Variants in SLC39A3 observed in about 807,000 individuals in gnomAD.
The protein encoded by SLC39A3 is zinc transporter ZIP3.
In SLC39A3, 3 loss-of-function variants were observed where a neutral mutation model predicts 5.1. The ratio of observed to expected loss-of-function variants is 0.59; its 90% CI spans 0.27 to 1.54. The LOEUF (loss-of-function observed/expected upper bound fraction) is 1.54. SLC39A3 is among the 40% of genes most tolerant of loss of function. SLC39A3 has a pLI of 0.12. For synonymous variants in SLC39A3, 250 were observed against 218.8 expected (o/e 1.14, Z -1.26); for missense variants, 412 against 436.4 (o/e 0.94, Z 0.50).
In SLC39A3 at chr19:2,735,036, G is replaced by A. The variant is rs1599484952; in HGVS notation, c.211-1551C>T. ...CTGACCAGCCCGAGGACAGGAGAAC[G>A]GCGGGAAAGGTTTGGGTGCCATGAG... On this transcript the variant is annotated intron_variant, in intron 2 of 2. Transcript: ENST00000269740. The surrounding 1 kb of genome is among the most constrained non-coding windows in gnomAD (Gnocchi z 5.7). 4.1e-6 allele frequency: 4 copies of A among 985,308 alleles called. No homozygotes were observed. Among genetic ancestry groups the A allele is most frequent in the African/African-American group, 1.7e-5 (1 of 57,216 alleles). 61.0% of individuals were successfully genotyped at this position (985,308 alleles called of 1,614,324 possible). A position where few individuals can be genotyped will look rare whatever the true frequency, so the allele number is the denominator to read the frequency against.
Position 2,737,249 on chromosome 19 carries a change from T to C in SLC39A3, c.9A>G (p.Lys3=), listed in dbSNP as rs1285799427. ...TGCACAGGATTTTGGCCACTAGCAA[T>C]TTCACCATGGTGGCGGCTTGGGCTG... The part of the protein sequence containing the change: MV[K]LLVAKILCMV... Residue 3 remains lysine (K), a synonymous_variant, in exon 2 of 3, where the codon AAA becomes AAG. Transcript: ENST00000269740. 3 of 1,613,008 alleles carry C rather than the reference T, an allele frequency of 1.9e-6. No individual in the cohort carries two copies. The highest frequency in any genetic ancestry group is 2.5e-6 in the Non-Finnish European group (3 of 1,179,404).
chr19:2,737,398 C>A lies in SLC39A3; in HGVS notation c.-122-19G>T, dbSNP rs569011930. 43 of 1,377,372 alleles carry A rather than the reference C, an allele frequency of 3.1e-5. 1 individual carries two copies. The Admixed American group carries it at 6.6e-4, about 21-fold the overall frequency. 85.3% of individuals were successfully genotyped at this position (1,377,372 alleles called of 1,614,324 possible). ...CCAGCAACTGTGAACATCAGGGGCA[C>A]TGCATTAGCTTTCTTTCTTTTTTCT... On this transcript the variant is annotated intron_variant, in intron 1 of 2. Transcript: ENST00000269740.
Position 2,737,930 on chromosome 19 carries a change from G to A in SLC39A3, c.-122-551C>T, listed in dbSNP as rs139647820. 6.0e-4 allele frequency among the ~76,000 whole-genome samples: 91 copies of A among 152,054 alleles called. 1 individual carries two copies. The highest frequency in any genetic ancestry group is 2.1e-3 in the African/African-American group (86 of 41,494). ...AAAAAAAATCCAGGCTGGGTGTAGT[G>A]GCTCACACCTGCAATCCCAGAACTT... is the stretch of plus-strand genomic sequence containing the variant. On this transcript the variant is annotated intron_variant, in intron 1 of 2. Coordinates refer to ENST00000269740, the MANE Select transcript of SLC39A3 (RefSeq NM_144564.5).
chr19:2,736,179 T>G (rs1156767553), intron 2 of SLC39A3: 1 of 984,894 alleles, frequency 1.0e-6, no homozygotes, highest in African/African-American at 1.8e-5. Flanking sequence ...CTGTCAGGAG[T>G]TGGGGTGGAC....
chr19:2,732,656 G>C lies in SLC39A3; in HGVS notation c.*95C>G. ...ACAGGTGGTGGCCCAGGGCCACAGTGCTCGCTCTTGGGGGACGCGCGGCCG... is the reference window on the plus strand; with the variant it reads ...ACAGGTGGTGGCCCAGGGCCACAGTCCTCGCTCTTGGGGGACGCGCGGCCG... On this transcript the variant is annotated 3_prime_UTR_variant, in exon 3 of 3. Transcript: ENST00000269740. The C allele has an allele frequency of 7.0e-7, 1 of 1,426,996 alleles. No individual in the cohort carries two copies. Among genetic ancestry groups the C allele is most frequent in the Non-Finnish European group, 9.2e-7 (1 of 1,091,342 alleles). 88.4% of individuals were successfully genotyped at this position (1,426,996 alleles called of 1,614,324 possible). A position where few individuals can be genotyped will look rare whatever the true frequency, so the allele number is the denominator to read the frequency against.
At chr19:2,736,968 G>T in intron 2 of SLC39A3, 80 bp downstream of exon 2, 1 of 1,591,834 alleles carries the variant, frequency 6.3e-7, no homozygotes, top group East Asian at 2.3e-5. Context: ...CACTGAACTT[G>T]GCATCAGTGT....
At position 2,735,906 on chromosome 19, in the gene SLC39A3, G is replaced by A; in HGVS notation, c.210+1142C>T. ...TTCTGGACACTAGGCACGAGGAAAAGCAGGGCCAGGGGTTGGGGGATAAGC... is the reference window on the plus strand; with the variant it reads ...TTCTGGACACTAGGCACGAGGAAAAACAGGGCCAGGGGTTGGGGGATAAGC... On this transcript the variant is annotated intron_variant, in intron 2 of 2. Transcript: ENST00000269740. This position sits in a 1 kb window ranked among gnomAD's most constrained non-coding sequence, Gnocchi z 5.7. 1 of 985,564 alleles carries A rather than the reference G, an allele frequency of 1.0e-6. No individual in the cohort carries two copies. The highest frequency in any genetic ancestry group is 4.7e-5 in the South Asian group (1 of 21,290). The allele number at this position is 985,564 out of a possible 1,614,324, so 61.1% of individuals were successfully genotyped here.
At position 2,734,255 on chromosome 19, in the gene SLC39A3, G is replaced by C. The variant is rs1030345095; in HGVS notation, c.211-770C>G. Among the ~76,000 whole-genome samples, 1 of 152,230 alleles carries C rather than the reference G, an allele frequency of 6.6e-6. No individual in the cohort carries two copies. The highest frequency in any genetic ancestry group is 2.4e-5 in the African/African-American group (1 of 41,458). ...CAACAGCTCCCTGGAGCCTCGTCACGGCAGGGCCAGAGTTCACAGCCACCC... is the reference window on the plus strand; with the variant it reads ...CAACAGCTCCCTGGAGCCTCGTCACCGCAGGGCCAGAGTTCACAGCCACCC... On this transcript the variant is annotated intron_variant, in intron 2 of 2. Transcript: ENST00000269740. This position sits in a 1 kb window ranked among gnomAD's most constrained non-coding sequence, Gnocchi z 4.6.
chr19:2,734,613 C>T lies in SLC39A3; in HGVS notation c.211-1128G>A, dbSNP rs1026530976. On this transcript the variant is annotated intron_variant, in intron 2 of 2. Transcript: ENST00000269740. The surrounding 1 kb of genome is among the most constrained non-coding windows in gnomAD (Gnocchi z 4.6). ...GGATTGTTCTCTGGGACGGGGCCGT[C>T]CTGGGCACTGCAGGGTGCTGCTGAG... is the stretch of plus-strand genomic sequence containing the variant. The T allele has an allele frequency of 1.6e-5, 7 of 429,590 alleles. No individual in the cohort carries two copies. Among genetic ancestry groups the T allele is most frequent in the African/African-American group, 2.1e-5 (1 of 46,556 alleles). The allele number at this position is 429,590 out of a possible 1,614,324, so 26.6% of individuals were successfully genotyped here.
In SLC39A3 at chr19:2,735,983, C is replaced by T. The variant is rs560796430; in HGVS notation, c.210+1065G>A. 3 of 985,440 alleles carry T rather than the reference C, an allele frequency of 3.0e-6. No individual in the cohort carries two copies. Among genetic ancestry groups the T allele is most frequent in the Non-Finnish European group, 3.6e-6 (3 of 829,938 alleles). 61.0% of individuals were successfully genotyped at this position (985,440 alleles called of 1,614,324 possible). A position where few individuals can be genotyped will look rare whatever the true frequency, so the allele number is the denominator to read the frequency against. ...GGAAGAACAGGGGGTCCTCATATCT[C>T]CACCAAGTATGTAACCAACACAAAT... is the stretch of plus-strand genomic sequence containing the variant. On this transcript the variant is annotated intron_variant, in intron 2 of 2. Transcript: ENST00000269740. This position sits in a 1 kb window ranked among gnomAD's most constrained non-coding sequence, Gnocchi z 5.7.
chr19:2,734,362 C>A lies in SLC39A3; in HGVS notation c.211-877G>T, dbSNP rs542487301. Reference sequence around the variant, plus strand: ...CAATGCCTGCTTCCCTGCTTCCTTCCCAGCGGAGACTTCATTACAACCTGC... The same window carrying A: ...CAATGCCTGCTTCCCTGCTTCCTTCACAGCGGAGACTTCATTACAACCTGC... On this transcript the variant is annotated intron_variant, in intron 2 of 2. Coordinates refer to ENST00000269740, the MANE Select transcript of SLC39A3 (RefSeq NM_144564.5). The surrounding 1 kb of genome is among the most constrained non-coding windows in gnomAD (Gnocchi z 4.6). Among the ~76,000 whole-genome samples, 1 of 152,312 alleles carries A rather than the reference C, an allele frequency of 6.6e-6. No homozygotes were observed. The highest frequency in any genetic ancestry group is 2.1e-4 in the South Asian group (1 of 4,824).
chr19:2,737,935 A>G (rs1042056665), intron 1 of SLC39A3, among the ~76,000 whole-genome samples: 2 of 152,088 alleles, frequency 1.3e-5, no homozygotes, highest in African/African-American at 4.8e-5. Flanking sequence ...GTAGTGGCTC[A>G]CACCTGCAAT....
Position 2,732,997 on chromosome 19 carries a change from C to T in SLC39A3, c.699G>A (p.Ala233=), listed in dbSNP as rs200356181. 50 of 1,597,906 alleles carry T rather than the reference C, an allele frequency of 3.1e-5. No individual in the cohort carries two copies. The East Asian group carries it at 4.7e-4, about 15-fold the overall frequency. Residue 233 remains alanine (A), a synonymous_variant, in exon 3 of 3, where the codon GCG becomes GCA. Coordinates refer to ENST00000269740, the MANE Select transcript of SLC39A3 (RefSeq NM_144564.5). ...AMPLRDAAKL[A]VTVSAMIPLG... Reference sequence around the variant, plus strand: ...GGGGGATCATGGCGCTTACGGTGACCGCCAGCTTGGCCGCGTCCCGCAGGG... The same window carrying T: ...GGGGGATCATGGCGCTTACGGTGACTGCCAGCTTGGCCGCGTCCCGCAGGG...
intron 1 of SLC39A3, 155 bp from the exon 2 acceptor site, chr19:2,737,534 TAGCTGGGATTAC>T (rs1317455785): frequency 2.3e-6 from 1 of 436,664 alleles, no homozygotes; most frequent in Admixed American, 4.2e-5. Flanking sequence ...TCCTGCCTAG[TAGCTGGGATTAC>T]AGACACGCGC....
Position 2,734,845 on chromosome 19 carries a change from A to G in SLC39A3, c.211-1360T>C, listed in dbSNP as rs1358674092. On this transcript the variant is annotated intron_variant, in intron 2 of 2. Coordinates refer to ENST00000269740, the MANE Select transcript of SLC39A3 (RefSeq NM_144564.5). This position sits in a 1 kb window ranked among gnomAD's most constrained non-coding sequence, Gnocchi z 4.6. ...GGCCTCATGCATGCCTCGCTTGAGG[A>G]CAAGCTCATGAGGAACTCTAGCTAC... The G allele has an allele frequency of 1.0e-6, 1 of 985,358 alleles. No individual in the cohort carries two copies. Among genetic ancestry groups the G allele is most frequent in the Non-Finnish European group, 1.2e-6 (1 of 829,970 alleles). 61.0% of individuals were successfully genotyped at this position (985,358 alleles called of 1,614,324 possible).
Position 2,732,774 on chromosome 19 carries a change from C to T in SLC39A3, c.922G>A (p.Gly308Arg), listed in dbSNP as rs1914235838. The part of the protein sequence containing the change: ...FLVLGYTVLA[G>R]MVFLKW ...GCTCACCACTTGAGGAAGACCATCCCGGCCAGGACGGTGTAGCCCAGCACC... is the reference window on the plus strand; with the variant it reads ...GCTCACCACTTGAGGAAGACCATCCTGGCCAGGACGGTGTAGCCCAGCACC... The change falls in exon 3 of 3, where the codon GGG (glycine) becomes AGG (arginine). Residue 308 changes from glycine to arginine, a missense_variant. Physicochemically the swap from Gly to Arg is moderately radical, Grantham distance 125. Coordinates refer to ENST00000269740, the MANE Select transcript of SLC39A3 (RefSeq NM_144564.5). The T allele has an allele frequency of 4.4e-6, 7 of 1,577,582 alleles. No homozygotes were observed. Among genetic ancestry groups the T allele is most frequent in the African/African-American group, 1.4e-5 (1 of 73,570 alleles).
Position 2,733,435 on chromosome 19 carries a change from G to T in SLC39A3, c.261C>A (p.Ala87=). 6.2e-7 allele frequency: 1 copy of T among 1,612,864 alleles called. No homozygotes were observed. ...AGAAGCCCAGCAGGAGGATGGTTTCGGCCAGCGGGTAGTCGGTGCTGATGT... is the reference window on the plus strand; with the variant it reads ...AGAAGCCCAGCAGGAGGATGGTTTCTGCCAGCGGGTAGTCGGTGCTGATGT... ...LGHISTDYPL[A]ETILLLGFFM... is the part of the protein sequence containing the mutation. The change falls in exon 3 of 3, where the codon GCC becomes GCA. Residue 87 remains alanine (A), a synonymous_variant. Coordinates refer to ENST00000269740, the MANE Select transcript of SLC39A3 (RefSeq NM_144564.5). The surrounding 1 kb of genome is among the most constrained non-coding windows in gnomAD (Gnocchi z 6.1).
At chr19:2,737,674 TAGG>T (rs543844859) in intron 1 of SLC39A3, 144 of 195,580 alleles carry the variant, frequency 7.4e-4, no homozygotes, top group African/African-American at 3.0e-3. Flanking sequence ...CCCAAAGTGC[TAGG>T]ATTATAGGCG....
rs1348772087 is a variant in SLC39A3, at chr19:2,733,500, AC to A, written c.211-16del. ...ACCTTCTGGAGCTGCAGCCGGGGAC[AC>A]CCGAGAGAGAGAGAGAGACCCACGC... is the stretch of plus-strand genomic sequence containing the variant. On this transcript the variant is annotated splice_polypyrimidine_tract_variant and intron_variant, in intron 2 of 2. Coordinates refer to ENST00000269740, the MANE Select transcript of SLC39A3 (RefSeq NM_144564.5). This position sits in a 1 kb window ranked among gnomAD's most constrained non-coding sequence, Gnocchi z 6.1. 1.9e-6 allele frequency: 3 copies of A among 1,599,998 alleles called. No homozygotes were observed. Among genetic ancestry groups the A allele is most frequent in the Non-Finnish European group, 2.6e-6 (3 of 1,172,352 alleles).
Sources: allele counts gnomAD v4.1 joint callset (sites outside exome capture counted in the v4.1 genomes callset), GRCh38; gene constraint gnomAD v4.1.1; non-coding constraint Gnocchi (gnomAD v3.1); transcripts MANE v1.5; gene names NCBI Gene and HGNC (gene_info 2026-07-23, HGNC 2026-07-21).